The following KIF1B variants were observed in gnomAD, a reference collection of about 807,000 sequenced individuals.
The protein encoded by KIF1B is kinesin-like protein KIF1B.
In KIF1B, 76 loss-of-function variants were observed where a neutral mutation model predicts 241.9. The observed-to-expected ratio is 0.31, with a 90% confidence interval of 0.26 to 0.38. The LOEUF (loss-of-function observed/expected upper bound fraction) is 0.38, where lower values mean the gene tolerates loss of function less well. Among genes scored for constraint, KIF1B ranks in the 10% least tolerant of loss-of-function variants. KIF1B has a pLI of 1.00. For missense variants in KIF1B, 1,622 were observed against 2,271.4 expected, an observed-to-expected ratio of 0.71 and a Z score of 5.81; for synonymous variants, 750 against 796.7, an observed-to-expected ratio of 0.94 and a Z score of 0.99.
At chr1:10,323,236 C>T (rs1651591710) in intron 24 of KIF1B, among the ~76,000 whole-genome samples, 1 of 151,980 alleles carries the variant, frequency 6.6e-6, no homozygotes, top group Non-Finnish European at 1.5e-5. Flanking sequence ...TTTTCATCCT[C>T]TCTCATTAGT....
intron 4 of KIF1B, among the ~76,000 whole-genome samples, chr1:10,259,819 A>G (rs1184471230): frequency 6.6e-6 from 1 of 151,656 alleles, no homozygotes; most frequent in East Asian, 1.9e-4. Context: ...TTTTTTTTAG[A>G]GACAGGGTCT....
chr1:10,330,674 AAAGAT>A (rs1651887048), intron 27 of KIF1B, among the ~76,000 whole-genome samples: 1 of 152,188 alleles, frequency 6.6e-6, no homozygotes, highest in Non-Finnish European at 1.5e-5. Flanking sequence ...ACTTCTACTT[AAAGAT>A]AAGAGGCAAA....
chr1:10,343,059 A>C (rs988719376), intron 33 of KIF1B, among the ~76,000 whole-genome samples, 173 bp from the exon 34 acceptor site: 9 of 152,228 alleles, frequency 5.9e-5, no homozygotes, highest in Non-Finnish European at 1.3e-4. Context: ...CAGAAGCTAT[A>C]CATAAAATGT....
At chr1:10,304,390 T>A in intron 22 of KIF1B, 1 of 1,614,196 alleles carries the variant, frequency 6.2e-7, no homozygotes, top group Middle Eastern at 1.6e-4. Flanking sequence ...GGCATCTGCC[T>A]CCGCGGAGTC....
intron 39 of KIF1B, 85 bp from the exon 40 acceptor site, chr1:10,361,607 C>T: frequency 6.5e-7 from 1 of 1,545,084 alleles, no homozygotes; most frequent in Non-Finnish European, 8.9e-7. Context: ...ACAACTGGGA[C>T]TCGCTTTCCA....
At chr1:10,334,925 A>G (rs749722421) in intron 28 of KIF1B, among the ~76,000 whole-genome samples, 3 of 151,974 alleles carry the variant, frequency 2.0e-5, no homozygotes, top group Non-Finnish European at 2.9e-5. Flanking sequence ...TAACTATATA[A>G]AAGTCATTGG....
chr1:10,339,732 T>G, intron 31 of KIF1B, 37 bp from the exon 32 acceptor site: 1 of 1,553,566 alleles, frequency 6.4e-7, no homozygotes, highest in South Asian at 1.1e-5. Flanking sequence ...AACCGTTTAA[T>G]GCATTGTTCA....
intron 4 of KIF1B, among the ~76,000 whole-genome samples, chr1:10,260,148 C>T (rs910704491): frequency 4.6e-5 from 7 of 152,100 alleles, no homozygotes; most frequent in Non-Finnish European, 8.8e-5. Flanking sequence ...ACCTAGACTG[C>T]GTTGTATAGC....
intron 3 of KIF1B, 78 bp from the exon 4 acceptor site, chr1:10,258,415 T>G: frequency 6.8e-7 from 1 of 1,460,526 alleles, no homozygotes; most frequent in Non-Finnish European, 9.5e-7. Flanking sequence ...CCAGACACTT[T>G]TATTATGGAA....
chr1:10,360,537 T>C (rs984021349), intron 38 of KIF1B, among the ~76,000 whole-genome samples: 8 of 151,930 alleles, frequency 5.3e-5, no homozygotes, highest in African/African-American at 1.9e-4. Context: ...ATACAAAAAT[T>C]AGCCAGGCGT....
chr1:10,296,686 C>T, intron 20 of KIF1B, 21 bp downstream of exon 20: 3 of 1,603,458 alleles, frequency 1.9e-6, no homozygotes, highest in Non-Finnish European at 2.6e-6. Context: ...GAGAGGTTTG[C>T]CATCTTCAGC....
At chr1:10,350,534 G>A (rs1652755577) in intron 37 of KIF1B, among the ~76,000 whole-genome samples, 1 of 152,074 alleles carries the variant, frequency 6.6e-6, no homozygotes, top group African/African-American at 2.4e-5. Context: ...ACTCCAGCCT[G>A]GGCAACAGAG....
chr1:10,241,773 C>G (rs1328636200), intron 2 of KIF1B, among the ~76,000 whole-genome samples: 1 of 151,850 alleles, frequency 6.6e-6, no homozygotes, highest in Non-Finnish European at 1.5e-5. Context: ...TTAATGCCTT[C>G]TTTGCAACTC....
rs564697485 is a variant in KIF1B, at chr1:10,378,292, G to C, written c.*1705G>C. 2 of 717,602 alleles carry C rather than the reference G, an allele frequency of 2.8e-6. No individual in the cohort carries two copies. Among genetic ancestry groups the C allele is most frequent in the South Asian group, 3.0e-5 (2 of 67,584 alleles). 44.5% of individuals were successfully genotyped at this position (717,602 alleles called of 1,614,324 possible). ...ATCTGGTGTGGAAACACTGCCCAGG[G>C]AGAAAGGAGGAAGCTCACTGTGGAC... On this transcript the variant is annotated 3_prime_UTR_variant, in exon 49 of 49. Transcript: ENST00000676179.
intron 25 of KIF1B, 25 bp downstream of exon 25, chr1:10,324,087 G>A: frequency 1.2e-6 from 2 of 1,611,680 alleles, no homozygotes; most frequent in African/African-American, 2.7e-5. Flanking sequence ...ATAAAGGCTG[G>A]TTGTTTTATT....
chr1:10,299,962 C>T (rs1412230821), intron 22 of KIF1B, among the ~76,000 whole-genome samples: 3 of 151,808 alleles, frequency 2.0e-5, no homozygotes, highest in Admixed American at 1.3e-4. Flanking sequence ...TCTGGCCAGG[C>T]GCGGTGGCTC....
At chr1:10,271,442 T>C (rs1648794549) in intron 7 of KIF1B, 60 bp from the exon 8 acceptor site, 1 of 1,210,660 alleles carries the variant, frequency 8.3e-7, no homozygotes, top group Non-Finnish European at 1.2e-6. Context: ...TGCCTCTAAA[T>C]ATTTCCTGCT....
intron 32 of KIF1B, 43 bp from the exon 33 acceptor site, chr1:10,342,007 G>A (rs532831081): frequency 3.2e-6 from 4 of 1,235,452 alleles, no homozygotes; most frequent in South Asian, 1.2e-5. Flanking sequence ...AAGCAAAAAT[G>A]TGTATTTTCT....
At chr1:10,285,449 C>T (rs1649639278) in intron 15 of KIF1B, among the ~76,000 whole-genome samples, 1 of 152,154 alleles carries the variant, frequency 6.6e-6, no homozygotes, top group Non-Finnish European at 1.5e-5. Flanking sequence ...ATAACACTGT[C>T]ATTATTCAGG....
Sources: gnomAD v4.1 joint callset for allele counts (sites outside exome capture counted in the v4.1 genomes callset) on GRCh38, gnomAD v4.1.1 for gene constraint, MANE v1.5 for transcripts, NCBI Gene and HGNC (gene_info 2026-07-23, HGNC 2026-07-21) for gene names.